Variants in VKORC1L1 observed in about 807,000 individuals in gnomAD.
VKORC1L1 encodes vitamin K epoxide reductase complex subunit 1-like protein 1.
In VKORC1L1, 2 loss-of-function variants were observed where a neutral mutation model predicts 18.9. The ratio of observed to expected loss-of-function variants is 0.11; its 90% CI spans 0.04 to 0.33. The LOEUF (loss-of-function observed/expected upper bound fraction) is 0.33. Among genes scored for constraint, VKORC1L1 ranks in the 10% least tolerant of loss-of-function variants. VKORC1L1 has a pLI of 1.00. For missense variants in VKORC1L1, 123 were observed against 224.1 expected (o/e 0.55, Z 2.88); for synonymous variants, 96 against 100.0 (o/e 0.96, Z 0.24).
intron 1 of VKORC1L1, among the ~76,000 whole-genome samples, chr7:65,927,304 A>G (rs1789782001): frequency 6.6e-6 from 1 of 152,188 alleles, no homozygotes; most frequent in African/African-American, 2.4e-5. Context: ...AGGAAAAAAA[A>G]AAATCATAAT....
rs1019723165 is a variant in VKORC1L1 at position 65,957,121 on chromosome 7, A to G, written c.*2821A>G. 1 of 152,222 alleles carries G rather than the reference A, an allele frequency of 6.6e-6. No individual in the cohort carries two copies. The highest frequency in any genetic ancestry group is 1.5e-5 in the Non-Finnish European group (1 of 68,036). 9.4% of individuals were successfully genotyped at this position (152,222 alleles called of 1,614,324 possible). ...GCCCAGAATCACTGTTCCTTCATAC[A>G]TGTGTCCTCTCCTTAAATTCATTAC... is the stretch of plus-strand genomic sequence containing the variant. On this transcript the variant is annotated 3_prime_UTR_variant, in exon 3 of 3. Transcript: ENST00000360768.
chr7:65,905,652 G>A (rs537018317), intron 1 of VKORC1L1, among the ~76,000 whole-genome samples: 22 of 152,158 alleles, frequency 1.4e-4, no homozygotes, highest in South Asian at 6.2e-4. Flanking sequence ...GTATACTTCC[G>A]TGTAAATCTT....
At position 65,954,462 on chromosome 7, in the gene VKORC1L1, G is replaced by T; in HGVS notation, c.*162G>T. 1 of 1,206,850 alleles carries T rather than the reference G, an allele frequency of 8.3e-7. No homozygotes were observed. The highest frequency in any genetic ancestry group is 2.7e-5 in the East Asian group (1 of 37,106). 74.8% of individuals were successfully genotyped at this position (1,206,850 alleles called of 1,614,324 possible). On this transcript the variant is annotated 3_prime_UTR_variant, in exon 3 of 3. Transcript: ENST00000360768. ...ATCCGGTAAATTAGAAGGGGCCCTC[G>T]CTATTTTCTGTGTCAGTCTTCATTT...
At position 65,909,737 on chromosome 7, in the gene VKORC1L1, T is replaced by TGTGTGTGA. The variant is rs1491345250; in HGVS notation, c.194+36173_194+36174insTGTGTGAG. ...GTGTGTGTGTGTGTGTGTGTGTGTG[T>TGTGTGTGA]GACGGAGGCTTGCTCTGTCGCCCAG... On this transcript the variant is annotated intron_variant, in intron 1 of 2. Coordinates refer to ENST00000360768, the MANE Select transcript of VKORC1L1 (RefSeq NM_173517.6). Among the ~76,000 whole-genome samples the TGTGTGTGA allele has an allele frequency of 2.1e-3, 311 of 145,260 alleles. 2 individuals carry two copies. The highest frequency in any genetic ancestry group is 0.018 in the East Asian group (87 of 4,898).
chr7:65,868,468 C>T (rs1788688631), upstream of VKORC1L1, among the ~76,000 whole-genome samples: 1 of 152,164 alleles, frequency 6.6e-6, no homozygotes, highest in African/African-American at 2.4e-5. Flanking sequence ...AATCTCACTA[C>T]TAGATATCTA....
chr7:65,906,472 A>C (rs189359358), intron 1 of VKORC1L1, among the ~76,000 whole-genome samples: 2 of 152,154 alleles, frequency 1.3e-5, no homozygotes, highest in African/African-American at 4.8e-5. Context: ...ATCTCTAGAC[A>C]TTTTTGACTT....
intron 2 of VKORC1L1, among the ~76,000 whole-genome samples, chr7:65,952,150 C>T (rs1790222710): frequency 1.3e-5 from 2 of 152,106 alleles, no homozygotes; most frequent in Non-Finnish European, 2.9e-5. Flanking sequence ...ATAAGTTGCC[C>T]GTATCATTCT....
At chr7:65,928,704 A>C (rs185413603) in intron 1 of VKORC1L1, among the ~76,000 whole-genome samples, 2 of 152,222 alleles carry the variant, frequency 1.3e-5, no homozygotes, top group African/African-American at 4.8e-5. Flanking sequence ...CTACGTTTCC[A>C]AACAGGTTTT....
intron 2 of VKORC1L1, among the ~76,000 whole-genome samples, chr7:65,949,381 A>T (rs1790175687): frequency 6.6e-6 from 1 of 152,088 alleles, no homozygotes; most frequent in South Asian, 2.1e-4. Context: ...CATGAGGCTG[A>T]GGCTGGAGAG....
intron 1 of VKORC1L1, among the ~76,000 whole-genome samples, chr7:65,891,846 A>G (rs565615174): frequency 6.6e-6 from 1 of 152,302 alleles, no homozygotes; most frequent in African/African-American, 2.4e-5. Context: ...TTGAAATATA[A>G]AATAAATCAT....
At chr7:65,872,726 A>C (rs972477440), upstream of VKORC1L1, among the ~76,000 whole-genome samples, 15 of 152,264 alleles carry the variant, frequency 9.9e-5, no homozygotes, top group Non-Finnish European at 2.1e-4. Context: ...GGTGGTGGGA[A>C]GATCAGGTCA....
At chr7:65,875,525 C>T (rs1788812351) in intron 1 of VKORC1L1, among the ~76,000 whole-genome samples, 1 of 152,122 alleles carries the variant, frequency 6.6e-6, no homozygotes, top group Non-Finnish European at 1.5e-5. Flanking sequence ...TCACTCCATT[C>T]TCCTGCCTCA....
chr7:65,947,411 CTGG>C (rs998539636), intron 1 of VKORC1L1, among the ~76,000 whole-genome samples: 5 of 143,588 alleles, frequency 3.5e-5, no homozygotes, highest in African/African-American at 1.3e-4. Context: ...AACACCATAA[CTGG>C]TTTTTTTTTT....
At chr7:65,909,301 A>G (rs562332609) in intron 1 of VKORC1L1, among the ~76,000 whole-genome samples, 93 of 151,748 alleles carry the variant, frequency 6.1e-4, no homozygotes, top group African/African-American at 2.2e-3. Flanking sequence ...CTTTCAAGTG[A>G]CAATATAAAG....
chr7:65,941,676 T>G lies in VKORC1L1; in HGVS notation c.195-6995T>G, dbSNP rs1322834792. 7.0e-5 allele frequency among the ~76,000 whole-genome samples: 6 copies of G among 85,984 alleles called. No individual in the cohort carries two copies. The South Asian group carries it at 1.3e-3, about 18-fold the overall frequency. 56.4% of individuals were successfully genotyped at this position (85,984 alleles called of 152,430 possible). On this transcript the variant is annotated intron_variant, in intron 1 of 2. Transcript: ENST00000360768. Reference sequence around the variant, plus strand: ...TGTTGTGTTTCTTTTTCTTAAGGTTTTTTTTTTTTTTTTTTTTTTTTTGAG... The same window carrying G: ...TGTTGTGTTTCTTTTTCTTAAGGTTGTTTTTTTTTTTTTTTTTTTTTTGAG...
intron 1 of VKORC1L1, among the ~76,000 whole-genome samples, chr7:65,899,186 T>C (rs1789268168): frequency 6.6e-6 from 1 of 152,206 alleles, no homozygotes; most frequent in Non-Finnish European, 1.5e-5. Context: ...GTTTATGACA[T>C]GTTTCTCCTT....
At chr7:65,952,286 G>C (rs1384005573) in intron 2 of VKORC1L1, among the ~76,000 whole-genome samples, 1 of 152,194 alleles carries the variant, frequency 6.6e-6, no homozygotes, top group Non-Finnish European at 1.5e-5. Context: ...GCCAGTTGCC[G>C]CAGCCACTCA....
intron 1 of VKORC1L1, among the ~76,000 whole-genome samples, chr7:65,943,429 A>C (rs1790068523): frequency 6.6e-6 from 1 of 152,182 alleles, no homozygotes. Context: ...TAACTGTAAT[A>C]ACATTAAAAA....
At chr7:65,890,480 G>A (rs571910511) in intron 1 of VKORC1L1, among the ~76,000 whole-genome samples, 1 of 152,080 alleles carries the variant, frequency 6.6e-6, no homozygotes, top group South Asian at 2.1e-4. Context: ...TGTTGGCCAG[G>A]CTGGTCTCAA....
Sources: allele counts gnomAD v4.1 joint callset (sites outside exome capture counted in the v4.1 genomes callset), GRCh38; gene constraint gnomAD v4.1.1; transcripts MANE v1.5; gene names NCBI Gene and HGNC (gene_info 2026-07-23, HGNC 2026-07-21).